The following MID2 variants were observed in gnomAD, a reference collection of about 807,000 sequenced individuals.
MID2 encodes probable E3 ubiquitin-protein ligase MID2.
In MID2, 13 loss-of-function variants were observed where a neutral mutation model predicts 46.1. That is an observed-to-expected ratio of 0.28 (90% CI 0.18 to 0.45). MID2 has a LOEUF of 0.45. Ranked by LOEUF, MID2 falls within the 20% of genes least tolerant of loss-of-function variation. The probability of loss-of-function intolerance (pLI) is 1.00; values close to 1 mark genes in which losing one functional copy is unlikely to be tolerated. For synonymous variants in MID2, 199 were observed against 212.3 expected (o/e 0.94, Z 0.55); for missense variants, 431 against 575.4 (o/e 0.75, Z 2.57).
chrX:107,919,725 G>T (rs1325008555), intron 7 of MID2, among the ~76,000 whole-genome samples: 1 of 111,476 alleles, frequency 9.0e-6, no homozygotes, highest in Non-Finnish European at 1.9e-5. Context: ...AGGATAGCTG[G>T]ATTATTTCTC....
At chrX:107,868,049 A>G (rs1243020252) in intron 3 of MID2, among the ~76,000 whole-genome samples, 1 of 112,048 alleles carries the variant, frequency 8.9e-6, no homozygotes, top group South Asian at 3.8e-4. Context: ...GATTGTGGTA[A>G]TGGTTACAAA....
chrX:107,883,289 G>A (rs1329475034), intron 3 of MID2, among the ~76,000 whole-genome samples: 2 of 110,904 alleles, frequency 1.8e-5, no homozygotes, highest in Non-Finnish European at 3.8e-5. Flanking sequence ...ACCATGGCAC[G>A]TGTATACCTA....
At chrX:107,844,204 G>A (rs184713448) in intron 2 of MID2, among the ~76,000 whole-genome samples, 5 of 111,352 alleles carry the variant, frequency 4.5e-5, no homozygotes, top group Admixed American at 2.9e-4. Flanking sequence ...CCAGAAACTA[G>A]CCTGTCTTTT....
chrX:107,887,339 G>C (rs1230095022), intron 3 of MID2, among the ~76,000 whole-genome samples: 1 of 112,145 alleles, frequency 8.9e-6, no homozygotes, highest in African/African-American at 3.2e-5. Context: ...ATGAAGGGTT[G>C]TTGAATTTTG....
chrX:107,875,324 C>G (rs1932173437), intron 3 of MID2, among the ~76,000 whole-genome samples: 1 of 111,765 alleles, frequency 8.9e-6, no homozygotes, highest in African/African-American at 3.3e-5. Flanking sequence ...GGTGGAGGTC[C>G]TGAACTAGTC....
chrX:107,900,613 C>G (rs1470857855), intron 3 of MID2, among the ~76,000 whole-genome samples: 1 of 111,320 alleles, frequency 9.0e-6, no homozygotes, highest in East Asian at 2.8e-4. Context: ...CTCAAAAATA[C>G]TACTTAAAGA....
intron 3 of MID2, among the ~76,000 whole-genome samples, chrX:107,867,167 T>G (rs1931973945): frequency 8.9e-6 from 1 of 112,196 alleles, no homozygotes; most frequent in Admixed American, 9.4e-5. Flanking sequence ...TTTGTTTTGT[T>G]TTGAGACGGA....
intron 3 of MID2, among the ~76,000 whole-genome samples, chrX:107,855,176 A>G (rs73249883): frequency 0.074 from 8,197 of 110,820 alleles, 277 homozygotes; most frequent in East Asian, 0.17. Flanking sequence ...TCCCCTGCCC[A>G]TGGTCCTATC....
chrX:107,871,161 A>G (rs748808088), intron 3 of MID2, among the ~76,000 whole-genome samples: 6 of 111,591 alleles, frequency 5.4e-5, no homozygotes, highest in African/African-American at 2.0e-4. Context: ...TAACAACTTT[A>G]GTTTCATTTT....
rs569474397 is a variant in MID2, at chrX:107,908,345, C to T, written c.1073+2719C>T. Among the ~76,000 whole-genome samples the T allele has an allele frequency of 3.0e-4, 34 of 111,538 alleles. No homozygotes were observed. The South Asian group carries it at 0.012, about 40-fold the overall frequency. ...GTATATTTGGCTGTCTGAAATTGTCCTATAGCTTACCAATGCTCTATTTTT... is the reference window on the plus strand; with the variant it reads ...GTATATTTGGCTGTCTGAAATTGTCTTATAGCTTACCAATGCTCTATTTTT... On this transcript the variant is annotated intron_variant, in intron 5 of 9. Transcript: ENST00000262843.
intron 5 of MID2, among the ~76,000 whole-genome samples, chrX:107,909,240 C>T (rs971106273): frequency 1.8e-5 from 2 of 111,506 alleles, no homozygotes; most frequent in Non-Finnish European, 3.8e-5. Flanking sequence ...GACAATTTTT[C>T]TCCACTACTG....
rs1341321154 is a variant in MID2, at chrX:107,929,851, C to T, written c.*2778C>T. Among the ~76,000 whole-genome samples the T allele has an allele frequency of 1.8e-5, 2 of 111,733 alleles. No individual in the cohort carries two copies. Among genetic ancestry groups the T allele is most frequent in the African/African-American group, 6.5e-5 (2 of 30,732 alleles). On this transcript the variant is annotated 3_prime_UTR_variant, in exon 10 of 10. Coordinates refer to ENST00000262843, the MANE Select transcript of MID2 (RefSeq NM_012216.4). Reference sequence around the variant, plus strand: ...AAAGACACCCCAAGCATCCCCCTCTCTCAGCAATAATCACATTGTATAGCA... The same window carrying T: ...AAAGACACCCCAAGCATCCCCCTCTTTCAGCAATAATCACATTGTATAGCA...
chrX:107,836,627 C>T (rs969008805), intron 1 of MID2, among the ~76,000 whole-genome samples: 2 of 109,473 alleles, frequency 1.8e-5, no homozygotes, highest in African/African-American at 6.7e-5. Context: ...AGGCAATGCG[C>T]ATAAAGGGTA....
chrX:107,867,791 G>A (rs1407434746), intron 3 of MID2, among the ~76,000 whole-genome samples: 1 of 111,768 alleles, frequency 8.9e-6, no homozygotes, highest in African/African-American at 3.3e-5. Context: ...TTTCTGAGGA[G>A]CTGGTGATAC....
intron 3 of MID2, among the ~76,000 whole-genome samples, chrX:107,889,573 T>C (rs1449953432): frequency 2.7e-5 from 3 of 111,392 alleles, no homozygotes; most frequent in African/African-American, 9.8e-5. Flanking sequence ...ATTTCAACTT[T>C]GGTGAATCTG....
chrX:107,906,356 G>A (rs1932835434), intron 5 of MID2, among the ~76,000 whole-genome samples: 1 of 110,771 alleles, frequency 9.0e-6, no homozygotes, highest in Admixed American at 9.6e-5. Context: ...CATCATTTTG[G>A]GTGACTTCAG....
In MID2 at chrX:107,837,539, A is replaced by T. The variant is rs760776654; in HGVS notation, c.5-3131A>T. On this transcript the variant is annotated intron_variant, in intron 1 of 9. Coordinates refer to ENST00000262843, the MANE Select transcript of MID2 (RefSeq NM_012216.4). ...AAATAGACGTAGAAACATGCTGTTT[A>T]AAAAAAAAAAACTCTATAAACTATG... Among the ~76,000 whole-genome samples the T allele has an allele frequency of 4.4e-3, 308 of 70,652 alleles. 4 individuals are homozygous for T. The highest frequency in any genetic ancestry group is 0.033 in the East Asian group (88 of 2,667). 61.4% of individuals were successfully genotyped at this position (70,652 alleles called of 115,157 possible).
At chrX:107,868,246 T>A (rs1257403798) in intron 3 of MID2, among the ~76,000 whole-genome samples, 1 of 111,928 alleles carries the variant, frequency 8.9e-6, no homozygotes, top group Non-Finnish European at 1.9e-5. Context: ...ACTCTCAGAA[T>A]GCTGACATTT....
intron 3 of MID2, among the ~76,000 whole-genome samples, chrX:107,857,359 C>A (rs1373002257): frequency 1.8e-5 from 2 of 108,557 alleles, no homozygotes; most frequent in African/African-American, 6.8e-5. Context: ...CGGCTCACTG[C>A]AACCTCTGCC....
Sources: gnomAD v4.1 joint callset for allele counts (sites outside exome capture counted in the v4.1 genomes callset) on GRCh38, gnomAD v4.1.1 for gene constraint, MANE v1.5 for transcripts, NCBI Gene and HGNC (gene_info 2026-07-23, HGNC 2026-07-21) for gene names.